Variants in DBF4 observed in about 807,000 individuals in gnomAD.
DBF4 encodes the protein DBF4-CDC7 kinase regulatory subunit, also known as protein DBF4 homolog A.
In DBF4, 25 loss-of-function variants were observed where a neutral mutation model predicts 76.6. That is an observed-to-expected ratio of 0.33 (90% CI 0.24 to 0.46). DBF4 has a LOEUF of 0.46. Among genes scored for constraint, DBF4 ranks in the 20% least tolerant of loss-of-function variants. The pLI is 1.00. For synonymous variants in DBF4, 213 were observed against 258.0 expected, an observed-to-expected ratio of 0.83 and a Z score of 1.67; for missense variants, 638 against 760.8, an observed-to-expected ratio of 0.84 and a Z score of 1.90.
At chr7:87,888,844 CT>C (rs1839423045) in intron 6 of DBF4, among the ~76,000 whole-genome samples, 1 of 152,200 alleles carries the variant, frequency 6.6e-6, no homozygotes, top group Non-Finnish European at 1.5e-5. Flanking sequence ...TTTCTATTCT[CT>C]TCTGAAATTT....
chr7:87,897,838 G>A (rs891247255), intron 8 of DBF4, among the ~76,000 whole-genome samples: 1 of 152,094 alleles, frequency 6.6e-6, no homozygotes, highest in Non-Finnish European at 1.5e-5. Flanking sequence ...GCAGTGGCAC[G>A]ATCTCGGCTC....
intron 3 of DBF4, among the ~76,000 whole-genome samples, chr7:87,886,334 C>T (rs1839351028): frequency 6.6e-6 from 1 of 151,834 alleles, no homozygotes; most frequent in African/African-American, 2.4e-5. Flanking sequence ...AGTTCAAGAC[C>T]AGCCTGGCCA....
chr7:87,879,856 G>C (rs949745630), intron 2 of DBF4, among the ~76,000 whole-genome samples: 14 of 151,948 alleles, frequency 9.2e-5, no homozygotes, highest in African/African-American at 2.9e-4. Flanking sequence ...GGGAGGCCGA[G>C]GCATGAGCAT....
chr7:87,903,738 A>G, intron 10 of DBF4, among the ~76,000 whole-genome samples: 1 of 119,058 alleles, frequency 8.4e-6, no homozygotes, highest in Non-Finnish European at 1.6e-5. Context: ...TCTGTTGCCC[A>G]GGCTTGAGTA....
intron 2 of DBF4, among the ~76,000 whole-genome samples, chr7:87,879,430 A>T (rs1839156625): frequency 4.6e-5 from 7 of 152,218 alleles, no homozygotes. Flanking sequence ...ATATGACAGC[A>T]TTCTTAAAGG....
intron 6 of DBF4, chr7:87,888,482 T>C (rs952436718): frequency 1.9e-5 from 4 of 212,188 alleles, no homozygotes; most frequent in Non-Finnish European, 3.2e-5. Context: ...CTTGAAATAC[T>C]TGTTAAACAA....
At chr7:87,899,467 C>T (rs1380099791) in intron 8 of DBF4, among the ~76,000 whole-genome samples, 1 of 152,044 alleles carries the variant, frequency 6.6e-6, no homozygotes, top group African/African-American at 2.4e-5. Context: ...GACATTTTTC[C>T]AGAGGTGATA....
At position 87,887,330 on chromosome 7, in the gene DBF4, A is replaced by T; in HGVS notation, c.452A>T (p.Asp151Val). 1 of 1,523,340 alleles carries T rather than the reference A, an allele frequency of 6.6e-7. No homozygotes were observed. Among genetic ancestry groups the T allele is most frequent in the Non-Finnish European group, 8.9e-7 (1 of 1,119,028 alleles). 94.4% of individuals were successfully genotyped at this position (1,523,340 alleles called of 1,614,324 possible). Residue 151 changes from aspartate (D) to valine (V), a missense_variant and splice_region_variant, in exon 5 of 12, where the codon GAT becomes GTT. Physicochemically the swap from Asp to Val is radical, Grantham distance 152. Transcript: ENST00000265728. ...ACCATAAAACTTTTTTTTTTACAGG[A>T]TTTTATTCCTTCAAATAGTATATTA... ...LLVEKAIKDH[D>V]FIPSNSILSN...
chr7:87,905,110 C>T (rs890958210), intron 11 of DBF4, among the ~76,000 whole-genome samples: 11 of 152,124 alleles, frequency 7.2e-5, no homozygotes, highest in Admixed American at 6.5e-4. Context: ...GCCACTACAC[C>T]CCACTAATTA....
rs1412556566 is a variant in DBF4, at chr7:87,907,437, A to G, written c.1299A>G (p.Lys433=). 1.2e-6 allele frequency: 2 copies of G among 1,614,068 alleles called. No individual in the cohort carries two copies. Among genetic ancestry groups the G allele is most frequent in the Non-Finnish European group, 1.7e-6 (2 of 1,179,954 alleles). The change falls in exon 12 of 12, where the codon AAA becomes AAG. Residue 433 remains lysine (K), a synonymous_variant. Transcript: ENST00000265728. ...GGCTTAATGAGAAAATGAGTAATAA[A>G]TGTTCCATGTTAAGTACAGCTGAAG... ...LRGLNEKMSN[K]CSMLSTAEDD...
chr7:87,897,867 C>T (rs554609959), intron 8 of DBF4, among the ~76,000 whole-genome samples: 2 of 152,160 alleles, frequency 1.3e-5, no homozygotes, highest in East Asian at 1.9e-4. Flanking sequence ...GTCCACCCCA[C>T]CCCCGGTTCA....
In DBF4 at chr7:87,907,243, A is replaced by G; in HGVS notation, c.1105A>G (p.Thr369Ala). The G allele has an allele frequency of 1.2e-6, 2 of 1,613,298 alleles. No individual in the cohort carries two copies. Among genetic ancestry groups the G allele is most frequent in the Non-Finnish European group, 1.7e-6 (2 of 1,179,820 alleles). ...SPVSASVLKK[T>A]EQKEKVELQH... ...TGTTTCTGCAAGTGTCCTGAAAAAG[A>G]CTGAACAAAAGGAAAAAGTGGAATT... Residue 369 changes from threonine to alanine, a missense_variant, in exon 12 of 12, where the codon ACT becomes GCT. Thr to Ala is a moderately conservative substitution (Grantham distance 58). Transcript: ENST00000265728.
chr7:87,884,280 T>C (rs1224826488), intron 2 of DBF4, among the ~76,000 whole-genome samples: 1 of 152,178 alleles, frequency 6.6e-6, no homozygotes, highest in African/African-American at 2.4e-5. Flanking sequence ...TACTCTCAGG[T>C]ACTTGGGAGG....
Position 87,904,341 on chromosome 7 carries a change from A to G in DBF4, c.974A>G (p.Gln325Arg). Residue 325 changes from glutamine to arginine, a missense_variant, in exon 11 of 12, where the codon CAA becomes CGA. Coordinates refer to ENST00000265728, the MANE Select transcript of DBF4 (RefSeq NM_006716.4). Reference protein sequence around the residue: ...HRNFAQSNQYQVVDDIVSKLV... With the variant: ...HRNFAQSNQYRVVDDIVSKLV... ...AACTTTGCACAGAGTAACCAGTATC[A>G]AGTTGTTGATGATATTGTATCTAAG... 6.2e-7 allele frequency: 1 copy of G among 1,613,946 alleles called. No individual in the cohort carries two copies.
chr7:87,906,577 G>C (rs1839921406), intron 11 of DBF4, among the ~76,000 whole-genome samples: 1 of 152,072 alleles, frequency 6.6e-6, no homozygotes. Context: ...GATGCTCCAT[G>C]AAGAAAATAA....
chr7:87,907,721 C>T lies in DBF4; in HGVS notation c.1583C>T (p.Thr528Ile), dbSNP rs771071260. ...LKEKDLHSIF[T>I]HDSGLITINS... ...GAAAAGGACCTTCATTCAATATTTA[C>T]TCATGATTCTGGTCTGATAACAATA... Residue 528 changes from threonine (T) to isoleucine (I), a missense_variant, in exon 12 of 12, where the codon ACT (threonine) becomes ATT (isoleucine). Transcript: ENST00000265728. 5.3e-5 allele frequency: 86 copies of T among 1,613,958 alleles called. No individual in the cohort carries two copies. Among genetic ancestry groups the T allele is most frequent in the Admixed American group, 1.2e-4 (7 of 60,004 alleles).
chr7:87,900,087 A>G (rs1240277593), intron 8 of DBF4, 134 bp from the exon 9 acceptor site: 3 of 766,352 alleles, frequency 3.9e-6, no homozygotes, highest in Non-Finnish European at 6.1e-6. Flanking sequence ...CCTGAAATTG[A>G]TTTTTTGAAG....
At position 87,876,520 on chromosome 7, in the gene DBF4, T is replaced by G; in HGVS notation, c.-213T>G. On this transcript the variant is annotated 5_prime_UTR_variant, in exon 1 of 12. Transcript: ENST00000265728. ...ATCTTCAACCGCCGCAGCCCACTCG[T>G]TTGTGCTTTGCGCCTTCCTCCTCCG... The G allele has an allele frequency of 3.4e-6, 2 of 582,382 alleles. No individual in the cohort carries two copies. The highest frequency in any genetic ancestry group is 3.1e-6 in the Non-Finnish European group (1 of 324,972). The allele number at this position is 582,382 out of a possible 1,614,324, so 36.1% of individuals were successfully genotyped here. A position where few individuals can be genotyped will look rare whatever the true frequency, so the allele number is the denominator to read the frequency against.
In DBF4 at chr7:87,904,336, G is replaced by C; in HGVS notation, c.969G>C (p.Gln323His). ...ACAGAAACTTTGCACAGAGTAACCA[G>C]TATCAAGTTGTTGATGATATTGTAT... Reference protein sequence around the residue: ...EQHRNFAQSNQYQVVDDIVSK... With the variant: ...EQHRNFAQSNHYQVVDDIVSK... Residue 323 changes from glutamine to histidine, a missense_variant, in exon 11 of 12, where the codon CAG (glutamine) becomes CAC (histidine). Transcript: ENST00000265728. 6.2e-7 allele frequency: 1 copy of C among 1,613,856 alleles called. No individual in the cohort carries two copies.
Sources: allele counts gnomAD v4.1 joint callset (sites outside exome capture counted in the v4.1 genomes callset), GRCh38; gene constraint gnomAD v4.1.1; transcripts MANE v1.5; gene names NCBI Gene and HGNC (gene_info 2026-07-23, HGNC 2026-07-21).